The following TRAPPC9 variants were observed in gnomAD, a reference collection of about 807,000 sequenced individuals.
TRAPPC9 encodes the protein trafficking protein particle complex subunit 9, also known as IKK2 binding protein.
TRAPPC9 carries 83 observed loss-of-function variants against 124.0 expected under a neutral mutation model. The ratio of observed to expected loss-of-function variants is 0.67; its 90% CI spans 0.56 to 0.80. The LOEUF (loss-of-function observed/expected upper bound fraction) is 0.80, where lower values mean the gene tolerates loss of function less well. TRAPPC9 is among the 30% of genes least tolerant of loss of function. The probability of loss-of-function intolerance (pLI) is 0.00; values close to 1 mark genes in which losing one functional copy is unlikely to be tolerated. For synonymous variants in TRAPPC9, 638 were observed against 617.5 expected, an observed-to-expected ratio of 1.03 and a Z score of -0.49; for missense variants, 1,302 against 1,508.3, an observed-to-expected ratio of 0.86 and a Z score of 2.27.
At chr8:139,813,524 A>C (rs752369783) in intron 21 of TRAPPC9, among the ~76,000 whole-genome samples, 4 of 152,128 alleles carry the variant, frequency 2.6e-5, no homozygotes, top group African/African-American at 9.7e-5. Context: ...AGGCCTAGAG[A>C]GGAGGGGAGC....
At chr8:140,348,853 C>G (rs1046148258) in intron 9 of TRAPPC9, among the ~76,000 whole-genome samples, 1 of 152,038 alleles carries the variant, frequency 6.6e-6, no homozygotes, top group African/African-American at 2.4e-5. Flanking sequence ...AAGAGACAAG[C>G]GGAGGCAGAA....
intron 17 of TRAPPC9, among the ~76,000 whole-genome samples, chr8:140,080,806 C>A (rs747697968): frequency 6.6e-6 from 1 of 152,174 alleles, no homozygotes; most frequent in Non-Finnish European, 1.5e-5. Flanking sequence ...GTGCTATGGG[C>A]CAGAGCTTTC....
At chr8:140,263,727 G>A (rs56379002) in intron 15 of TRAPPC9, among the ~76,000 whole-genome samples, 5,342 of 152,308 alleles carry the variant, frequency 0.035, 137 homozygotes, top group South Asian at 0.071. Flanking sequence ...CACCCAGCCA[G>A]TAGGTGGCAA....
intron 17 of TRAPPC9, among the ~76,000 whole-genome samples, chr8:140,123,560 G>A (rs7010412): frequency 0.092 from 13,979 of 152,152 alleles, 1,756 homozygotes; most frequent in African/African-American, 0.28. Context: ...CTCCAGCCAC[G>A]AGCCCCACCC....
At chr8:140,168,699 G>C (rs763555407) in intron 17 of TRAPPC9, among the ~76,000 whole-genome samples, 1 of 152,210 alleles carries the variant, frequency 6.6e-6, no homozygotes, top group Non-Finnish European at 1.5e-5. Flanking sequence ...TTGAGGGCCA[G>C]GAGAGGTGGT....
intron 20 of TRAPPC9, among the ~76,000 whole-genome samples, chr8:139,895,530 A>G (rs1373539299): frequency 6.6e-6 from 1 of 152,228 alleles, no homozygotes; most frequent in African/African-American, 2.4e-5. Context: ...TTTTAAAACG[A>G]TTTTGAACCA....
At chr8:139,988,641 G>C in intron 19 of TRAPPC9, 85 bp downstream of exon 19, 2 of 880,822 alleles carry the variant, frequency 2.3e-6, no homozygotes, top group Admixed American at 2.0e-5. Flanking sequence ...GAGGACTTGG[G>C]GTGGATTATC....
intron 9 of TRAPPC9, among the ~76,000 whole-genome samples, chr8:140,350,246 G>T (rs1177175293): frequency 7.6e-6 from 1 of 131,274 alleles, no homozygotes; most frequent in African/African-American, 3.1e-5. Flanking sequence ...ATTATTTTTG[G>T]TCTCCTGTAT....
At chr8:140,248,304 C>A (rs191951367) in intron 16 of TRAPPC9, among the ~76,000 whole-genome samples, 1 of 152,338 alleles carries the variant, frequency 6.6e-6, no homozygotes, top group East Asian at 1.9e-4. Context: ...AGCAGCTTCT[C>A]CACAGGTGAG....
chr8:140,406,755 C>T (rs143806423), intron 5 of TRAPPC9, among the ~76,000 whole-genome samples: 11 of 152,294 alleles, frequency 7.2e-5, no homozygotes, highest in African/African-American at 2.6e-4. Flanking sequence ...GAAGAAAGAA[C>T]TGTAACAGAA....
chr8:139,881,195 G>T (rs1290763971), intron 21 of TRAPPC9: 1 of 152,172 alleles, frequency 6.6e-6, no homozygotes, highest in Non-Finnish European at 1.5e-5. Flanking sequence ...ACTGTCCACA[G>T]GCTCACTCCA....
At chr8:139,765,119 G>A (rs904881058) in intron 21 of TRAPPC9, among the ~76,000 whole-genome samples, 2 of 152,132 alleles carry the variant, frequency 1.3e-5, no homozygotes. Flanking sequence ...AGGCTGGAAC[G>A]AGCACCCACA....
At chr8:140,024,404 T>TC (rs1296531782) in intron 17 of TRAPPC9, among the ~76,000 whole-genome samples, 1 of 149,074 alleles carries the variant, frequency 6.7e-6, no homozygotes, top group Non-Finnish European at 1.5e-5. Context: ...ATGGTTTCTT[T>TC]TTTTTTTTTT....
At chr8:139,926,226 C>T (rs540655375) in intron 19 of TRAPPC9, among the ~76,000 whole-genome samples, 5 of 152,288 alleles carry the variant, frequency 3.3e-5, no homozygotes, top group East Asian at 3.9e-4. Flanking sequence ...ATGTGACCTC[C>T]CATCCCAATA....
At chr8:140,362,004 T>C (rs752308153) in intron 8 of TRAPPC9, among the ~76,000 whole-genome samples, 12 of 152,232 alleles carry the variant, frequency 7.9e-5, no homozygotes, top group Non-Finnish European at 1.8e-4. Context: ...TCCTGAGCTC[T>C]TCCCTCAGCA....
intron 18 of TRAPPC9, among the ~76,000 whole-genome samples, chr8:139,994,541 G>C (rs1199997529): frequency 6.6e-6 from 1 of 152,210 alleles, no homozygotes; most frequent in East Asian, 1.9e-4. Context: ...GGTGCTGTCA[G>C]GTGACACCTG....
Position 140,321,858 on chromosome 8 carries a change from C to A in TRAPPC9, c.1496-10484G>T, listed in dbSNP as rs80101778. On this transcript the variant is annotated intron_variant, in intron 9 of 22. Coordinates refer to ENST00000438773, the MANE Select transcript of TRAPPC9 (RefSeq NM_001160372.4). ...TCCCCTAGATGCCTGGCAGCTGCCA[C>A]AGAAATCCAGGCAGGGCAGAGAGCT... Among the ~76,000 whole-genome samples, 1,285 of 152,290 alleles carry A rather than the reference C, an allele frequency of 8.4e-3. 14 individuals are homozygous for A. Among genetic ancestry groups the A allele is most frequent in the African/African-American group, 0.029 (1,186 of 41,570 alleles).
intron 20 of TRAPPC9, among the ~76,000 whole-genome samples, chr8:139,906,003 G>C (rs11166935): frequency 0.2 from 29,704 of 151,896 alleles, 2,978 homozygotes; most frequent in East Asian, 0.28. Context: ...CTGAGGCAGG[G>C]GAATCTCTGG....
intron 17 of TRAPPC9, among the ~76,000 whole-genome samples, chr8:140,213,273 G>C (rs1247920194): frequency 6.6e-6 from 1 of 151,914 alleles, no homozygotes; most frequent in Non-Finnish European, 1.5e-5. Flanking sequence ...GTAAGCATTG[G>C]TATTTTGTGT....
Sources: gnomAD v4.1 joint callset for allele counts (sites outside exome capture counted in the v4.1 genomes callset) on GRCh38, gnomAD v4.1.1 for gene constraint, MANE v1.5 for transcripts, NCBI Gene and HGNC (gene_info 2026-07-23, HGNC 2026-07-21) for gene names.